C2orf80: variants seen among roughly 807,000 people sequenced by gnomAD.
C2orf80 encodes the protein uncharacterized protein C2orf80.
A neutral mutation model predicts 30.2 loss-of-function variants in C2orf80; 28 were observed. The ratio of observed to expected loss-of-function variants is 0.93; its 90% CI spans 0.69 to 1.27. The LOEUF (loss-of-function observed/expected upper bound fraction) is 1.27. C2orf80 is among the 50% of genes most tolerant of loss of function. The pLI, the probability that C2orf80 is intolerant of heterozygous loss-of-function variation, is 0.00. For missense variants in C2orf80, 220 were observed against 231.0 expected, an observed-to-expected ratio of 0.95 and a Z score of 0.31; for synonymous variants, 80 against 76.4, an observed-to-expected ratio of 1.05 and a Z score of -0.24.
intron 8 of C2orf80, chr2:208,168,310 C>A: frequency 1.6e-5 from 4 of 247,586 alleles, no homozygotes; most frequent in Non-Finnish European, 3.2e-5. Context: ...TATTTTTTGT[C>A]TGGCTTGAAA....
intron 6 of C2orf80, among the ~76,000 whole-genome samples, chr2:208,176,422 C>T (rs1194549852): frequency 6.6e-6 from 1 of 152,172 alleles, no homozygotes; most frequent in African/African-American, 2.4e-5. Flanking sequence ...GTGATCCGCC[C>T]GCCTCGGCCT....
Position 208,180,748 on chromosome 2 carries a change from G to A in C2orf80, c.363C>T (p.Ile121=), listed in dbSNP as rs1031268138. 2 of 1,612,960 alleles carry A rather than the reference G, an allele frequency of 1.2e-6. No individual in the cohort carries two copies. The highest frequency in any genetic ancestry group is 1.7e-6 in the Non-Finnish European group (2 of 1,179,218). The stretch of plus-strand genomic sequence containing the variant: ...GACAATCCCAGGTCACCCTTACCTT[G>A]ATGGTACCAGAATCGGCAGAAGAAT... ...GADSSADSGT[I]KVPRVSSLCL... is the part of the protein sequence containing the mutation. Residue 121 remains isoleucine, a synonymous_variant, in exon 6 of 9, where the codon ATC becomes ATT. Coordinates refer to ENST00000341287, the MANE Select transcript of C2orf80 (RefSeq NM_001099334.3).
intron 8 of C2orf80, among the ~76,000 whole-genome samples, chr2:208,167,628 G>A (rs1695941572): frequency 1.3e-5 from 2 of 152,216 alleles, no homozygotes; most frequent in East Asian, 3.9e-4. Context: ...CCAGGCTGGA[G>A]TGCGCTGGTG....
At chr2:208,176,971 ATATATACAGAAATG>A (rs1158811703) in intron 6 of C2orf80, among the ~76,000 whole-genome samples, 8 of 106,004 alleles carry the variant, frequency 7.5e-5, no homozygotes, top group Non-Finnish European at 1.3e-4. Context: ...ATATGTATAC[ATATATACAGAAATG>A]TATATGTATA....
chr2:208,171,413 C>T lies in C2orf80; in HGVS notation c.455-350G>A, dbSNP rs367981075. 5.7e-4 allele frequency among the ~76,000 whole-genome samples: 87 copies of T among 151,794 alleles called. 1 individual carries two copies. Among genetic ancestry groups the T allele is most frequent in the Middle Eastern group, 3.4e-3 (1 of 294 alleles). ...TCAGCTCACTGCAACCTCTGCCTCC[C>T]AGATTCAAGCGATTATCTCGCCTCA... On this transcript the variant is annotated intron_variant, in intron 7 of 8. Transcript: ENST00000341287.
intron 6 of C2orf80, among the ~76,000 whole-genome samples, chr2:208,179,991 T>G (rs1351948360): frequency 6.6e-6 from 1 of 152,050 alleles, no homozygotes; most frequent in Non-Finnish European, 1.5e-5. Context: ...GTAGTAGTGT[T>G]GTGGGAAAGG....
chr2:208,176,950 T>TATGTATACAGATATGTACAG lies in C2orf80; in HGVS notation c.366+3794_366+3795insCTGTACATATCTGTATACAT. Among the ~76,000 whole-genome samples the TATGTATACAGATATGTACAG allele has an allele frequency of 1.1e-3, 36 of 32,868 alleles. 4 individuals carry two copies. The highest frequency in any genetic ancestry group is 1.5e-3 in the Non-Finnish European group (26 of 16,990). The allele number at this position is 32,868 out of a possible 152,430, so 21.6% of individuals were successfully genotyped here. Reference sequence around the variant, plus strand: ...ACATATGTATACATATCTGTATACATATCTGTATACATATGTATACATATA... The same window carrying TATGTATACAGATATGTACAG: ...ACATATGTATACATATCTGTATACATATGTATACAGATATGTACAGATCTGTATACATATGTATACATATA... On this transcript the variant is annotated intron_variant, in intron 6 of 8. Coordinates refer to ENST00000341287, the MANE Select transcript of C2orf80 (RefSeq NM_001099334.3).
chr2:208,168,660 CAAAAA>C (rs67224423), intron 8 of C2orf80, among the ~76,000 whole-genome samples: 16 of 97,784 alleles, frequency 1.6e-4, no homozygotes, highest in South Asian at 3.4e-4. Flanking sequence ...GACTCCGTCT[CAAAAA>C]AAAAAAAAAA....
chr2:208,167,056 A>G (rs2105887219), intron 8 of C2orf80, among the ~76,000 whole-genome samples: 1 of 152,272 alleles, frequency 6.6e-6, no homozygotes, highest in South Asian at 2.1e-4. Flanking sequence ...AAAAACTAAA[A>G]GCACAGAGAG....
intron 6 of C2orf80, among the ~76,000 whole-genome samples, chr2:208,177,462 A>T (rs1364275378): frequency 6.6e-6 from 1 of 151,954 alleles, no homozygotes; most frequent in Non-Finnish European, 1.5e-5. Flanking sequence ...AATCACTTGA[A>T]CCCGGGAGGC....
rs769814333 is a variant in C2orf80 at position 208,171,333 on chromosome 2, T to G, written c.455-270A>C. 6.3e-4 allele frequency among the ~76,000 whole-genome samples: 96 copies of G among 152,056 alleles called. 1 individual carries two copies. In the Middle Eastern group the frequency reaches 0.01, roughly 16 times the overall value. The stretch of plus-strand genomic sequence containing the variant: ...GCTATTTTATTTATTTATTTATTTA[T>G]TTTTGAGATGGAGTTTCACTCTTGT... On this transcript the variant is annotated intron_variant, in intron 7 of 8. Coordinates refer to ENST00000341287, the MANE Select transcript of C2orf80 (RefSeq NM_001099334.3).
At chr2:208,183,216 T>TTTTTTTTTTG (rs1696616950) in intron 3 of C2orf80, among the ~76,000 whole-genome samples, 169 bp from the exon 4 acceptor site, 1 of 152,040 alleles carries the variant, frequency 6.6e-6, no homozygotes, top group Non-Finnish European at 1.5e-5. Flanking sequence ...TTTTTTTTTT[T>TTTTTTTTTTG]TTCTGAGACC....
intron 8 of C2orf80, among the ~76,000 whole-genome samples, chr2:208,169,469 C>T (rs1301762174): frequency 1.3e-4 from 20 of 152,020 alleles, no homozygotes; most frequent in Admixed American, 9.8e-4. Context: ...CAGTGGCTCA[C>T]GCCTGTAATC....
Position 208,181,311 on chromosome 2 carries a change from G to C in C2orf80, c.207-6C>G. The C allele has an allele frequency of 6.4e-7, 1 of 1,560,342 alleles. No individual in the cohort carries two copies. ...TGCCATGGAGTGGTATTTTCCTAATGGGGAATAGGAAATACAAGTGGAAGA... is the reference window on the plus strand; with the variant it reads ...TGCCATGGAGTGGTATTTTCCTAATCGGGAATAGGAAATACAAGTGGAAGA... On this transcript the variant is annotated splice_region_variant and splice_polypyrimidine_tract_variant and intron_variant, in intron 4 of 8. Transcript: ENST00000341287.
chr2:208,170,847 C>A (rs1696074983), intron 8 of C2orf80, 98 bp downstream of exon 8: 1 of 905,538 alleles, frequency 1.1e-6, no homozygotes, highest in African/African-American at 1.6e-5. Flanking sequence ...AAACCCAGAG[C>A]ACCTGACTCC....
chr2:208,169,936 C>CAGAT (rs1262531961), intron 8 of C2orf80, among the ~76,000 whole-genome samples: 3 of 152,052 alleles, frequency 2.0e-5, no homozygotes, highest in African/African-American at 7.2e-5. Context: ...TCTAATTAAT[C>CAGAT]AGATATAAGG....
At chr2:208,169,277 G>GTGTGTGTGTGTGTT (rs1696016354) in intron 8 of C2orf80, among the ~76,000 whole-genome samples, 1 of 151,510 alleles carries the variant, frequency 6.6e-6, no homozygotes, top group Admixed American at 6.6e-5. Flanking sequence ...GATTGTGTGT[G>GTGTGTGTGTGTGTT]TGTGTGTGTG....
chr2:208,175,522 C>T (rs1696259949), intron 6 of C2orf80, among the ~76,000 whole-genome samples: 1 of 152,114 alleles, frequency 6.6e-6, no homozygotes, highest in Non-Finnish European at 1.5e-5. Context: ...GGTGGCAGCA[C>T]ATAATCCCGG....
intron 6 of C2orf80, among the ~76,000 whole-genome samples, chr2:208,179,874 G>C (rs767675504): frequency 3.3e-5 from 5 of 152,050 alleles, no homozygotes; most frequent in Admixed American, 6.6e-5. Context: ...GCTGAGAGTG[G>C]AGCTCACACC....
Sources: gnomAD v4.1 joint callset for allele counts (sites outside exome capture counted in the v4.1 genomes callset) on GRCh38, gnomAD v4.1.1 for gene constraint, MANE v1.5 for transcripts, NCBI Gene and HGNC (gene_info 2026-07-23, HGNC 2026-07-21) for gene names.